COL4A3: variants seen among roughly 807,000 people sequenced by gnomAD.
COL4A3 encodes collagen alpha-3(IV) chain.
COL4A3 carries 135 observed loss-of-function variants against 217.4 expected under a neutral mutation model. The observed-to-expected ratio is 0.62, with a 90% CI of 0.54 to 0.72. The LOEUF (loss-of-function observed/expected upper bound fraction) is 0.72, where lower values mean the gene tolerates loss of function less well. Among genes scored for constraint, COL4A3 ranks in the 30% least tolerant of loss-of-function variants. The pLI is 0.00. For missense variants in COL4A3, 1,868 were observed against 2,119.9 expected (o/e 0.88, Z 2.33); for synonymous variants, 690 against 736.3 (o/e 0.94, Z 1.02).
intron 1 of COL4A3, among the ~76,000 whole-genome samples, chr2:227,236,805 G>A (rs62277849): frequency 0.098 from 14,846 of 151,858 alleles, 734 homozygotes; most frequent in Admixed American, 0.15. Context: ...AATTACAGGA[G>A]CCCACCACCA....
chr2:227,263,760 A>C lies in COL4A3; in HGVS notation c.1151-20A>C. The C allele has an allele frequency of 6.2e-7, 1 of 1,608,228 alleles. No individual in the cohort carries two copies. The highest frequency in any genetic ancestry group is 8.5e-7 in the Non-Finnish European group (1 of 1,176,806). The stretch of plus-strand genomic sequence containing the variant: ...ATCAGGAAAAAATGTAAAATACAAG[A>C]AATGATTATTTTCTCCAAGGATCAT... On this transcript the variant is annotated intron_variant, in intron 20 of 51. Transcript: ENST00000396578.
chr2:227,267,080 G>A lies in COL4A3; in HGVS notation c.1496G>A (p.Gly499Glu). Residue 499 changes from glycine to glutamate, a missense_variant, in exon 23 of 52, where the codon GGA becomes GAA. Around this residue, in one of 2 missense-constraint regions of COL4A3, gnomAD observed 1,503 missense variants for 1,786.1 expected, o/e 0.84. Coordinates refer to ENST00000396578, the MANE Select transcript of COL4A3 (RefSeq NM_000091.5). ...PGLPGLHGVKGIPGRQGAAGL... is the reference protein window; with the variant it reads ...PGLPGLHGVKEIPGRQGAAGL... Reference sequence around the variant, plus strand: ...TTGCCAGGGTTACATGGTGTAAAAGGAATCCCAGGTACAAACAATTTGCAT... The same window carrying A: ...TTGCCAGGGTTACATGGTGTAAAAGAAATCCCAGGTACAAACAATTTGCAT... The A allele has an allele frequency of 6.2e-7, 1 of 1,613,144 alleles. No individual in the cohort carries two copies. The highest frequency in any genetic ancestry group is 8.5e-7 in the Non-Finnish European group (1 of 1,179,168).
At chr2:227,226,739 A>G (rs2068115801) in intron 1 of COL4A3, among the ~76,000 whole-genome samples, 1 of 152,106 alleles carries the variant, frequency 6.6e-6, no homozygotes, top group African/African-American at 2.4e-5. Context: ...CAAAGTGCTG[A>G]GATTATAGGC....
chr2:227,278,543 T>C (rs946697537), intron 28 of COL4A3, among the ~76,000 whole-genome samples: 5 of 152,240 alleles, frequency 3.3e-5, no homozygotes, highest in African/African-American at 1.2e-4. Context: ...TTATGAGTAT[T>C]TGAAATGGAA....
intron 1 of COL4A3, among the ~76,000 whole-genome samples, chr2:227,232,655 G>T (rs1210889800): frequency 6.6e-6 from 1 of 151,938 alleles, no homozygotes; most frequent in Non-Finnish European, 1.5e-5. Context: ...ATGCCTGTTT[G>T]CTATCTGTAT....
intron 1 of COL4A3, among the ~76,000 whole-genome samples, chr2:227,167,071 T>G (rs2065303675): frequency 6.6e-6 from 1 of 152,236 alleles, no homozygotes; most frequent in African/African-American, 2.4e-5. Flanking sequence ...TAGAAACTTC[T>G]CAAATTCTAA....
intron 1 of COL4A3, among the ~76,000 whole-genome samples, chr2:227,229,952 G>A (rs2068304388): frequency 6.6e-6 from 1 of 151,774 alleles, no homozygotes; most frequent in Non-Finnish European, 1.5e-5. Flanking sequence ...TCGGGAGACT[G>A]AGGCAGGAGA....
chr2:227,260,287 C>T (rs1040467792), intron 19 of COL4A3, among the ~76,000 whole-genome samples: 2 of 152,134 alleles, frequency 1.3e-5, no homozygotes, highest in Admixed American at 6.6e-5. Flanking sequence ...TCCTTGATGC[C>T]GTGAATTATT....
intron 23 of COL4A3, chr2:227,268,699 G>A (rs1284129748): frequency 6.6e-6 from 1 of 152,218 alleles, no homozygotes; most frequent in East Asian, 1.9e-4. Context: ...GTGAGGGAAG[G>A]GGCAGGGGGG....
intron 26 of COL4A3, among the ~76,000 whole-genome samples, chr2:227,274,238 A>AAAATAAATAAATAAATAAATAAAT (rs57515255): frequency 0.012 from 1,763 of 143,790 alleles, 20 homozygotes; most frequent in Non-Finnish European, 0.019. Context: ...TACTGTCTCA[A>AAAATAAATAAATAAATAAATAAAT]AAATAAATAA....
At chr2:227,310,710 G>C in intron 50 of COL4A3, 66 bp from the exon 51 acceptor site, 1 of 1,345,454 alleles carries the variant, frequency 7.4e-7, no homozygotes. Context: ...AAAAAAAAAA[G>C]TAGAGAATTG....
chr2:227,306,236 T>C (rs1319150234), intron 47 of COL4A3, among the ~76,000 whole-genome samples: 2 of 152,182 alleles, frequency 1.3e-5, no homozygotes, highest in Admixed American at 1.3e-4. Context: ...AATTAGCAAG[T>C]AGACAGTTCA....
intron 1 of COL4A3, among the ~76,000 whole-genome samples, chr2:227,197,384 TATC>T (rs2066522856): frequency 1.3e-5 from 2 of 152,118 alleles, no homozygotes; most frequent in South Asian, 4.1e-4. Context: ...AGTATGTCCT[TATC>T]AGCAGCCTGA....
intron 22 of COL4A3, 22 bp downstream of exon 22, chr2:227,266,531 G>GAA: frequency 6.4e-7 from 1 of 1,567,794 alleles, no homozygotes; most frequent in East Asian, 2.2e-5. Flanking sequence ...CAATAATGTT[G>GAA]TATTAGGATA....
intron 34 of COL4A3, among the ~76,000 whole-genome samples, chr2:227,286,472 G>A (rs2072332257): frequency 6.6e-6 from 1 of 152,184 alleles, no homozygotes; most frequent in South Asian, 2.1e-4. Context: ...TCCAACCTGG[G>A]CAACAGAGTG....
intron 1 of COL4A3, among the ~76,000 whole-genome samples, chr2:227,165,694 A>G (rs140871708): frequency 4.4e-4 from 67 of 152,352 alleles, no homozygotes; most frequent in African/African-American, 1.6e-3. Flanking sequence ...GTTTTTACAA[A>G]TGTTATCATT....
intron 27 of COL4A3, 76 bp downstream of exon 27, chr2:227,276,553 C>A: frequency 8.9e-7 from 1 of 1,120,394 alleles, no homozygotes; most frequent in Non-Finnish European, 1.4e-6. Context: ...AAAATACTGT[C>A]CCCATTATAA....
At chr2:227,212,287 G>A (rs1451207604) in intron 1 of COL4A3, among the ~76,000 whole-genome samples, 2 of 151,830 alleles carry the variant, frequency 1.3e-5, no homozygotes, top group Non-Finnish European at 2.9e-5. Context: ...TAATATAGTA[G>A]AATTTATCCA....
intron 1 of COL4A3, among the ~76,000 whole-genome samples, chr2:227,207,614 C>T (rs1013271705): frequency 2.0e-5 from 3 of 152,172 alleles, no homozygotes; most frequent in Non-Finnish European, 2.9e-5. Flanking sequence ...TTTGCAGGGG[C>T]AGAAGTGACT....
Sources: gnomAD v4.1 joint callset for allele counts (sites outside exome capture counted in the v4.1 genomes callset) on GRCh38, gnomAD v4.1.1 for gene constraint, gnomAD v4.1.1 regional missense constraint, MANE v1.5 for transcripts, NCBI Gene and HGNC (gene_info 2026-07-23, HGNC 2026-07-21) for gene names.